LRP2: variants seen among roughly 807,000 people sequenced by gnomAD.
LRP2 encodes LDL receptor related protein 2.
Under a neutral mutation model 531.0 loss-of-function variants are expected in LRP2, and 172 were observed. The observed-to-expected ratio is 0.32, with a 90% CI of 0.29 to 0.37. The LOEUF is 0.37. Among genes scored for constraint, LRP2 ranks in the 10% least tolerant of loss-of-function variants. The pLI, the probability that LRP2 is intolerant of heterozygous loss-of-function variation, is 1.00. For synonymous variants in LRP2, 1,992 were observed against 2,027.6 expected, an observed-to-expected ratio of 0.98 and a Z score of 0.47; for missense variants, 5,167 against 5,868.3, an observed-to-expected ratio of 0.88 and a Z score of 3.90.
chr2:169,310,376 T>C (rs1684558687), intron 3 of LRP2, among the ~76,000 whole-genome samples: 1 of 152,224 alleles, frequency 6.6e-6, no homozygotes, highest in Admixed American at 6.5e-5. Flanking sequence ...ATACGTCCCA[T>C]TGATACCTAA....
intron 16 of LRP2, among the ~76,000 whole-genome samples, chr2:169,265,615 A>G (rs1690767666): frequency 6.6e-6 from 1 of 152,054 alleles, no homozygotes; most frequent in South Asian, 2.1e-4. Flanking sequence ...CACTAGAGCA[A>G]TGTCTTCAAA....
At chr2:169,181,105 T>C (rs1687413598) in intron 52 of LRP2, among the ~76,000 whole-genome samples, 1 of 152,134 alleles carries the variant, frequency 6.6e-6, no homozygotes, top group African/African-American at 2.4e-5. Context: ...ATATATTTCA[T>C]AGGGGAGAGC....
At chr2:169,173,806 G>C (rs914480278) in intron 56 of LRP2, 113 bp downstream of exon 56, 1 of 1,447,092 alleles carries the variant, frequency 6.9e-7, no homozygotes, top group African/African-American at 1.4e-5. Context: ...AGTGCCAAGG[G>C]GGAGCATCCC....
intron 3 of LRP2, 85 bp from the exon 4 acceptor site, chr2:169,307,482 G>A: frequency 1.2e-6 from 1 of 859,104 alleles, no homozygotes; most frequent in Non-Finnish European, 1.9e-6. Flanking sequence ...ATATTGGAAA[G>A]CATAAAGTTC....
chr2:169,132,549 T>C (rs1214371665), intron 77 of LRP2, 25 bp downstream of exon 77: 16 of 1,367,514 alleles, frequency 1.2e-5, no homozygotes. Context: ...AATCCCACAT[T>C]ATTTCAGGAG....
chr2:169,201,669 T>C lies in LRP2; in HGVS notation c.8411A>G (p.Asp2804Gly). The change falls in exon 44 of 79, where the codon GAC becomes GGC. Residue 2804 changes from aspartate (D) to glycine (G), a missense_variant. Physicochemically the swap from Asp to Gly is moderately conservative, Grantham distance 94. Coordinates refer to ENST00000649046, the MANE Select transcript of LRP2 (RefSeq NM_004525.3). ...TGAAGTGTTATTATCATGGCAGTTG[T>C]CTACACCATTGCAGATAAACTCACG... ...IPREFICNGVDNCHDNNTSDE... is the reference protein window; with the variant it reads ...IPREFICNGVGNCHDNNTSDE... 3.7e-6 allele frequency: 6 copies of C among 1,614,188 alleles called. No individual in the cohort carries two copies. Among genetic ancestry groups the C allele is most frequent in the Non-Finnish European group, 5.1e-6 (6 of 1,180,028 alleles).
At chr2:169,321,500 C>CCAGATAAATGTTATCTGGTTA (rs1684908423) in intron 1 of LRP2, among the ~76,000 whole-genome samples, 1 of 149,280 alleles carries the variant, frequency 6.7e-6, no homozygotes, top group Non-Finnish European at 1.5e-5. Flanking sequence ...AGAATGTTAA[C>CCAGATAAATGTTATCTGGTTA]AGTGGTTATC....
rs773066561 is a variant in LRP2 at position 169,168,654 on chromosome 2, T to C, written c.11520A>G (p.Ala3840=). 49 of 1,613,984 alleles carry C rather than the reference T, an allele frequency of 3.0e-5. No individual in the cohort carries two copies. The highest frequency in any genetic ancestry group is 3.9e-5 in the Non-Finnish European group (46 of 1,179,982). ...ATTCGAACATAGTAGCCTGGCAGTA[T>C]GCACCATCAGGAAAGCGTGTGGCTG... is the stretch of plus-strand genomic sequence containing the variant. ...ADCPTRFPDG[A]YCQATMFECK... The change falls in exon 61 of 79, where the codon GCA becomes GCG. Residue 3840 remains alanine (A), a synonymous_variant. Transcript: ENST00000649046.
At chr2:169,256,904 C>T (rs1367399867) in intron 18 of LRP2, among the ~76,000 whole-genome samples, 1 of 152,090 alleles carries the variant, frequency 6.6e-6, no homozygotes, top group Non-Finnish European at 1.5e-5. Context: ...TCAGAATACT[C>T]ATGAATTTAT....
intron 63 of LRP2, among the ~76,000 whole-genome samples, chr2:169,157,826 C>T (rs748931469): frequency 6.6e-6 from 1 of 151,638 alleles, no homozygotes; most frequent in Non-Finnish European, 1.5e-5. Flanking sequence ...GCTATTACCA[C>T]CTGCTCTACT....
chr2:169,307,212 C>T (rs1358850833), intron 4 of LRP2, 69 bp downstream of exon 4: 8 of 1,056,696 alleles, frequency 7.6e-6, no homozygotes, highest in Admixed American at 6.8e-5. Flanking sequence ...ACAAATCTAA[C>T]AAATTGATTA....
At chr2:169,152,396 T>C (rs1686175605) in intron 67 of LRP2, among the ~76,000 whole-genome samples, 2 of 152,308 alleles carry the variant, frequency 1.3e-5, no homozygotes, top group African/African-American at 2.4e-5. Context: ...CTGGGAGAAT[T>C]GTGAGGCTGT....
chr2:169,312,635 AT>A (rs1263451089), intron 3 of LRP2, among the ~76,000 whole-genome samples: 3 of 151,884 alleles, frequency 2.0e-5, no homozygotes, highest in Admixed American at 6.6e-5. Flanking sequence ...TGCCCTTAAC[AT>A]TTTTTCCTTC....
rs1424354638 is a variant in LRP2, at chr2:169,251,721, C to T, written c.2771-4206G>A. Among the ~76,000 whole-genome samples, 571 of 87,736 alleles carry T rather than the reference C, an allele frequency of 6.5e-3. 160 individuals carry two copies. The highest frequency in any genetic ancestry group is 8.5e-3 in the Non-Finnish European group (412 of 48,192). The allele number at this position is 87,736 out of a possible 152,430, so 57.6% of individuals were successfully genotyped here. ...CCAGGAGCTGGTTTTTTGAAAGGAT[C>T]AACAAAATTGATAGACCGCTAGCAA... On this transcript the variant is annotated intron_variant, in intron 19 of 78. Transcript: ENST00000649046.
intron 63 of LRP2, among the ~76,000 whole-genome samples, chr2:169,159,175 G>T (rs1686478747): frequency 6.6e-6 from 1 of 152,152 alleles, no homozygotes; most frequent in Non-Finnish European, 1.5e-5. Context: ...AAGGATTTAA[G>T]CTTCATCTAC....
chr2:169,177,016 T>A (rs1390706792), intron 53 of LRP2, among the ~76,000 whole-genome samples: 2 of 152,240 alleles, frequency 1.3e-5, no homozygotes, highest in African/African-American at 2.4e-5. Context: ...CTGAGCAGCA[T>A]CTTTACTAAT....
At chr2:169,200,246 A>G (rs1329961440) in intron 44 of LRP2, among the ~76,000 whole-genome samples, 1 of 152,144 alleles carries the variant, frequency 6.6e-6, no homozygotes, top group Non-Finnish European at 1.5e-5. Flanking sequence ...GCAAGACTCC[A>G]TCTCAAAAAA....
chr2:169,213,735 T>A lies in LRP2; in HGVS notation c.5962A>T (p.Lys1988Ter). 1 of 1,613,858 alleles carries A rather than the reference T, an allele frequency of 6.2e-7. No homozygotes were observed. Among genetic ancestry groups the A allele is most frequent in the Non-Finnish European group, 8.5e-7 (1 of 1,179,812 alleles). The stretch of plus-strand genomic sequence containing the variant: ...ACTATTTTGTTGGCCCCAGTGGCCT[T>A]ATCAACTCTTTCAATGACCTCATAC... ...EQYEVIERVD[K>*]ATGANKIVLR... Residue 1988 changes from lysine to a stop codon, truncating the protein, a stop_gained, in exon 36 of 79, where the codon AAG becomes TAG. Transcript: ENST00000649046. LOFTEE classifies it high-confidence loss of function.
At chr2:169,345,200 T>C (rs970720472) in intron 1 of LRP2, among the ~76,000 whole-genome samples, 5 of 152,204 alleles carry the variant, frequency 3.3e-5, no homozygotes, top group Admixed American at 3.3e-4. Context: ...TGTCCTCCTC[T>C]TCAAGAGAGA....
Sources: allele counts gnomAD v4.1 joint callset (sites outside exome capture counted in the v4.1 genomes callset), GRCh38; gene constraint gnomAD v4.1.1; transcripts MANE v1.5; gene names NCBI Gene and HGNC (gene_info 2026-07-23, HGNC 2026-07-21).